Variants in SNTG2 observed in about 807,000 individuals in gnomAD.
SNTG2 encodes syntrophin gamma 2.
In SNTG2, 74 loss-of-function variants were observed where a neutral mutation model predicts 70.9. That is an observed-to-expected ratio of 1.04 (90% CI 0.86 to 1.27). SNTG2 has a LOEUF of 1.27. Among genes scored for constraint, SNTG2 ranks in the 50% most tolerant of loss-of-function variants. The pLI is 0.00. For missense variants in SNTG2, 717 were observed against 690.7 expected, an observed-to-expected ratio of 1.04 and a Z score of -0.43; for synonymous variants, 278 against 273.8, an observed-to-expected ratio of 1.02 and a Z score of -0.15.
chr2:1,212,730 C>T lies in SNTG2; in HGVS notation c.719+3500C>T, dbSNP rs543144848. Among the ~76,000 whole-genome samples the T allele has an allele frequency of 1.6e-4, 25 of 152,264 alleles. 1 individual carries two copies. The South Asian group carries it at 4.8e-3, about 29-fold the overall frequency. On this transcript the variant is annotated intron_variant, in intron 9 of 16. Coordinates refer to ENST00000308624, the MANE Select transcript of SNTG2 (RefSeq NM_018968.4). ...AGAGGCTGAGATGCTGTTCTTAGCT[C>T]CACCTTACCTGTAAGCTCCTCAGGT...
intron 1 of SNTG2, among the ~76,000 whole-genome samples, chr2:955,227 C>G (rs115187782): frequency 1.3e-5 from 2 of 152,110 alleles, no homozygotes; most frequent in Admixed American, 1.3e-4. Context: ...TGCAATAATC[C>G]GCATTAGTGT....
chr2:1,227,045 G>A (rs1675835698), intron 9 of SNTG2, among the ~76,000 whole-genome samples: 1 of 152,236 alleles, frequency 6.6e-6, no homozygotes, highest in African/African-American at 2.4e-5. Context: ...AGGGAGAGGT[G>A]CGATGTATAA....
chr2:951,033 CGCGGACGCCAGGGCTGCCTGCT>C lies in SNTG2; in HGVS notation c.39_60del (p.Gly14TyrfsTer25). On this transcript the variant is annotated frameshift_variant, in exon 1 of 17. Coordinates refer to ENST00000308624, the MANE Select transcript of SNTG2 (RefSeq NM_018968.4). LOFTEE classifies it high-confidence loss of function. ...GGGACCCCCGCCCCCGGCCGCCTCC[CGCGGACGCCAGGGCTGCCTGCT>C]GGTACCTGCGCGGGTGAGTGCGGCC... 1 of 1,267,342 alleles carries C rather than the reference CGCGGACGCCAGGGCTGCCTGCT, an allele frequency of 7.9e-7. No individual in the cohort carries two copies. The highest frequency in any genetic ancestry group is 9.9e-7 in the Non-Finnish European group (1 of 1,009,182). The allele number at this position is 1,267,342 out of a possible 1,614,324, so 78.5% of individuals were successfully genotyped here. A position where few individuals can be genotyped will look rare whatever the true frequency, so the allele number is the denominator to read the frequency against.
intron 9 of SNTG2, among the ~76,000 whole-genome samples, chr2:1,226,920 A>C (rs930220410): frequency 6.6e-6 from 1 of 152,216 alleles, no homozygotes; most frequent in Non-Finnish European, 1.5e-5. Context: ...TTTTTCAAAC[A>C]TGAGGAATTT....
chr2:1,157,077 C>T (rs1669948079), intron 6 of SNTG2, among the ~76,000 whole-genome samples: 1 of 152,184 alleles, frequency 6.6e-6, no homozygotes, highest in African/African-American at 2.4e-5. Flanking sequence ...ACCCCATGTG[C>T]ACTTCAATCC....
At chr2:1,193,336 C>T (rs973298079) in intron 8 of SNTG2, among the ~76,000 whole-genome samples, 1 of 152,160 alleles carries the variant, frequency 6.6e-6, no homozygotes, top group South Asian at 2.1e-4. Flanking sequence ...GCCCTCCCTC[C>T]TAGAGGCTCC....
chr2:1,022,409 G>A (rs940378185), intron 1 of SNTG2, among the ~76,000 whole-genome samples: 1 of 151,696 alleles, frequency 6.6e-6, no homozygotes, highest in Non-Finnish European at 1.5e-5. Context: ...GAGCCTCTGC[G>A]TTCTCGTTAG....
chr2:1,016,682 TA>T (rs1221186062), intron 1 of SNTG2, among the ~76,000 whole-genome samples: 6 of 152,232 alleles, frequency 3.9e-5, no homozygotes, highest in African/African-American at 1.4e-4. Flanking sequence ...CAAATATACA[TA>T]TTTAGCAGGT....
intron 1 of SNTG2, among the ~76,000 whole-genome samples, chr2:1,008,990 C>T (rs1430981663): frequency 6.6e-6 from 1 of 152,184 alleles, no homozygotes; most frequent in Non-Finnish European, 1.5e-5. Context: ...ACATAATTGC[C>T]TTTCAAATTA....
In SNTG2 at chr2:1,059,538, C is replaced by CT. The variant is rs577563413; in HGVS notation, c.73-23977dup. Among the ~76,000 whole-genome samples, 366 of 152,192 alleles carry CT rather than the reference C, an allele frequency of 2.4e-3. 3 individuals carry two copies. The highest frequency in any genetic ancestry group is 8.5e-3 in the African/African-American group (354 of 41,518). On this transcript the variant is annotated intron_variant, in intron 1 of 16. Coordinates refer to ENST00000308624, the MANE Select transcript of SNTG2 (RefSeq NM_018968.4). ...AATTGGATTTGAACATTTTTTGGAACTTTAATCTTTTGGATACGTAATTTG... is the reference window on the plus strand; with the variant it reads ...AATTGGATTTGAACATTTTTTGGAACTTTTAATCTTTTGGATACGTAATTTG...
At chr2:1,245,386 G>T (rs956059791) in intron 11 of SNTG2, among the ~76,000 whole-genome samples, 1 of 152,192 alleles carries the variant, frequency 6.6e-6, no homozygotes, top group East Asian at 1.9e-4. Flanking sequence ...GGTCTTCCTG[G>T]AATGTGAACT....
At chr2:986,753 T>A (rs1467304936) in intron 1 of SNTG2, among the ~76,000 whole-genome samples, 3 of 152,218 alleles carry the variant, frequency 2.0e-5, no homozygotes, top group Non-Finnish European at 4.4e-5. Context: ...AGATAAAATG[T>A]AGCAGTGTTC....
intron 1 of SNTG2, among the ~76,000 whole-genome samples, chr2:1,053,309 A>C (rs1236096287): frequency 7.0e-6 from 1 of 142,490 alleles, no homozygotes; most frequent in Non-Finnish European, 1.5e-5. Flanking sequence ...AATGCATTAA[A>C]AGTTTTTTTT....
intron 4 of SNTG2, among the ~76,000 whole-genome samples, chr2:1,100,838 C>A (rs1292584602): frequency 2.6e-5 from 4 of 152,060 alleles, no homozygotes. Flanking sequence ...AGGTAACGTT[C>A]AGTAAAGGAT....
At chr2:1,055,211 G>A (rs1161928983) in intron 1 of SNTG2, among the ~76,000 whole-genome samples, 1 of 152,264 alleles carries the variant, frequency 6.6e-6, no homozygotes, top group African/African-American at 2.4e-5. Flanking sequence ...AACAGGGGCT[G>A]TGTGAGAGGA....
At chr2:1,092,497 A>G (rs1665098218) in intron 2 of SNTG2, among the ~76,000 whole-genome samples, 2 of 152,220 alleles carry the variant, frequency 1.3e-5, no homozygotes, top group South Asian at 4.1e-4. Flanking sequence ...GTACAGGCGC[A>G]GTGTTTTACC....
chr2:1,043,457 A>G (rs752711838), intron 1 of SNTG2, among the ~76,000 whole-genome samples: 13 of 152,136 alleles, frequency 8.5e-5, no homozygotes, highest in Non-Finnish European at 1.2e-4. Flanking sequence ...TTCTGTTGCA[A>G]TTGCATTTGG....
chr2:1,089,630 G>A (rs980579843), intron 2 of SNTG2, among the ~76,000 whole-genome samples: 4 of 58,080 alleles, frequency 6.9e-5, no homozygotes, highest in East Asian at 4.3e-4. Context: ...GCGAAACTCC[G>A]TCTCAAAATA....
intron 1 of SNTG2, among the ~76,000 whole-genome samples, chr2:1,041,219 G>A (rs1661417584): frequency 6.6e-6 from 1 of 152,188 alleles, no homozygotes; most frequent in Non-Finnish European, 1.5e-5. Context: ...GTAAAGAACA[G>A]TTAACCATAG....
Sources: gnomAD v4.1 joint callset for allele counts (sites outside exome capture counted in the v4.1 genomes callset) on GRCh38, gnomAD v4.1.1 for gene constraint, MANE v1.5 for transcripts, NCBI Gene and HGNC (gene_info 2026-07-23, HGNC 2026-07-21) for gene names.